The following JARID2 variants were observed in gnomAD, a reference collection of about 807,000 sequenced individuals.
JARID2 encodes the protein protein Jumonji.
A neutral mutation model predicts 125.6 loss-of-function variants in JARID2; 21 were observed. That is an observed-to-expected ratio of 0.17 (90% CI 0.12 to 0.24). The LOEUF is 0.24. Ranked by LOEUF, JARID2 falls within the 10% of genes least tolerant of loss-of-function variation. The pLI, the probability that JARID2 is intolerant of heterozygous loss-of-function variation, is 1.00. For missense variants in JARID2, 1,303 were observed against 1,639.6 expected (o/e 0.79, Z 3.55); for synonymous variants, 736 against 661.6 (o/e 1.11, Z -1.73).
intron 1 of JARID2, among the ~76,000 whole-genome samples, chr6:15,255,776 G>A (rs913340385): frequency 1.3e-5 from 2 of 152,184 alleles, no homozygotes; most frequent in Non-Finnish European, 2.9e-5. Flanking sequence ...GTTTGCAGAA[G>A]GGGGCTGAGT....
At chr6:15,305,894 T>C (rs1487095065) in intron 1 of JARID2, among the ~76,000 whole-genome samples, 7 of 152,258 alleles carry the variant, frequency 4.6e-5, no homozygotes, top group Non-Finnish European at 8.8e-5. Flanking sequence ...ATTTGTGTTA[T>C]ATGCATTATC....
chr6:15,410,234 T>A lies in JARID2; in HGVS notation c.192T>A (p.Gly64=). 1 of 1,613,990 alleles carries A rather than the reference T, an allele frequency of 6.2e-7. No individual in the cohort carries two copies. The highest frequency in any genetic ancestry group is 8.5e-7 in the Non-Finnish European group (1 of 1,179,884). The part of the protein sequence containing the change: ...GSLKTVNGLL[G]NDQSKGLGPA... Reference sequence around the variant, plus strand: ...TTTTCTCACCTGTAGGGCTCCTTGGTAATGACCAGTCTAAGGGATTAGGAC... The same window carrying A: ...TTTTCTCACCTGTAGGGCTCCTTGGAAATGACCAGTCTAAGGGATTAGGAC... Residue 64 remains glycine, a synonymous_variant, in exon 3 of 18, where the codon GGT becomes GGA. Coordinates refer to ENST00000341776, the MANE Select transcript of JARID2 (RefSeq NM_004973.4).
chr6:15,416,599 A>T (rs1370306904), intron 3 of JARID2, among the ~76,000 whole-genome samples: 1 of 151,954 alleles, frequency 6.6e-6, no homozygotes, highest in Admixed American at 6.6e-5. Context: ...GAGGCAGGAG[A>T]ATCAGGCAGG....
At chr6:15,370,082 G>C (rs34338229) in intron 1 of JARID2, among the ~76,000 whole-genome samples, 1 of 152,036 alleles carries the variant, frequency 6.6e-6, no homozygotes, top group East Asian at 1.9e-4. Context: ...ATAAATGTCA[G>C]TGGGAACAGT....
rs541608020 is a variant in JARID2, at chr6:15,320,852, C to CTCTGTGTGTG, written c.46-53264_46-53263insCTGTGTGTGT. On this transcript the variant is annotated intron_variant, in intron 1 of 17. Coordinates refer to ENST00000341776, the MANE Select transcript of JARID2 (RefSeq NM_004973.4). Reference sequence around the variant, plus strand: ...AATATGATTCATTCTCTCTCTCTCTCTGTGTGTGTGTGTGTGTGTGTGTGT... The same window carrying CTCTGTGTGTG: ...AATATGATTCATTCTCTCTCTCTCTCTCTGTGTGTGTGTGTGTGTGTGTGTGTGTGTGTGT... Among the ~76,000 whole-genome samples the CTCTGTGTGTG allele has an allele frequency of 9.0e-3, 1,314 of 145,380 alleles. 7 individuals are homozygous for CTCTGTGTGTG. Among genetic ancestry groups the CTCTGTGTGTG allele is most frequent in the Non-Finnish European group, 0.014 (923 of 66,092 alleles).
chr6:15,381,206 A>T (rs2127527409), intron 2 of JARID2, among the ~76,000 whole-genome samples: 1 of 151,490 alleles, frequency 6.6e-6, no homozygotes, highest in African/African-American at 2.4e-5. Context: ...ACAAAAAAAA[A>T]AAATTAGCCG....
chr6:15,497,933 C>G (rs1045274932), intron 7 of JARID2, among the ~76,000 whole-genome samples: 2 of 152,190 alleles, frequency 1.3e-5, no homozygotes, highest in East Asian at 3.9e-4. Flanking sequence ...TCACAGGGTC[C>G]TACCTCTATG....
chr6:15,489,775 C>T (rs913692340), intron 6 of JARID2, among the ~76,000 whole-genome samples: 40 of 152,316 alleles, frequency 2.6e-4, no homozygotes, highest in African/African-American at 8.2e-4. Flanking sequence ...TTCCGGGGCT[C>T]AGGGTAGAGT....
intron 3 of JARID2, among the ~76,000 whole-genome samples, chr6:15,425,698 A>G (rs1214182427): frequency 6.6e-6 from 1 of 152,238 alleles, no homozygotes; most frequent in Non-Finnish European, 1.5e-5. Context: ...TCAGTCTTTA[A>G]AATGGTGAGA....
Position 15,496,879 on chromosome 6 carries a change from G to A in JARID2, c.1654G>A (p.Ala552Thr), listed in dbSNP as rs1457722606. 1 of 1,601,112 alleles carries A rather than the reference G, an allele frequency of 6.2e-7. No homozygotes were observed. Among genetic ancestry groups the A allele is most frequent in the Non-Finnish European group, 8.5e-7 (1 of 1,171,632 alleles). Residue 552 changes from alanine (A) to threonine (T), a missense_variant, in exon 7 of 18, where the codon GCG (alanine) becomes ACG (threonine). This residue lies in a region of JARID2 where 651 missense variants were observed against 581.6 expected (regional missense o/e 1.12). Coordinates refer to ENST00000341776, the MANE Select transcript of JARID2 (RefSeq NM_004973.4). ...AEKGGGKAGW[A>T]AMDEIPVLRP... ...GAAGGGCGGCGGCAAGGCCGGGTGG[G>A]CGGCCATGGACGAGATCCCCGTCCT...
chr6:15,328,450 A>G (rs1762602861), intron 1 of JARID2, among the ~76,000 whole-genome samples: 1 of 152,218 alleles, frequency 6.6e-6, no homozygotes, highest in Admixed American at 6.5e-5. Flanking sequence ...AGTTACTTGA[A>G]ATGCTGAAAA....
At chr6:15,495,841 G>C (rs968220018) in intron 6 of JARID2, among the ~76,000 whole-genome samples, 1 of 152,202 alleles carries the variant, frequency 6.6e-6, no homozygotes, top group Non-Finnish European at 1.5e-5. Flanking sequence ...CAATGGGAAC[G>C]TGAAAATGCA....
chr6:15,452,315 A>C, intron 4 of JARID2, 140 bp downstream of exon 4: 2 of 1,298,062 alleles, frequency 1.5e-6, no homozygotes, highest in Non-Finnish European at 2.0e-6. Context: ...ATTGAAAGTG[A>C]GAAATCCCAC....
chr6:15,253,533 C>T (rs1759535881), intron 1 of JARID2, among the ~76,000 whole-genome samples: 1 of 152,096 alleles, frequency 6.6e-6, no homozygotes, highest in Admixed American at 6.5e-5. Context: ...AGGAAAGAGC[C>T]CACGCAGATT....
chr6:15,350,730 GTTTTTTTTT>G (rs538674872), intron 1 of JARID2, among the ~76,000 whole-genome samples: 19 of 130,416 alleles, frequency 1.5e-4, no homozygotes, highest in Admixed American at 5.5e-4. Flanking sequence ...ATAGTTTAAG[GTTTTTTTTT>G]TTTTTTTTTT....
chr6:15,307,654 T>A (rs973907809), intron 1 of JARID2, among the ~76,000 whole-genome samples: 1 of 152,220 alleles, frequency 6.6e-6, no homozygotes, highest in Non-Finnish European at 1.5e-5. Flanking sequence ...ATTTTTCTTC[T>A]CTGATGACTT....
chr6:15,444,857 G>C (rs943898925), intron 3 of JARID2, among the ~76,000 whole-genome samples: 15 of 143,984 alleles, frequency 1.0e-4, no homozygotes, highest in Non-Finnish European at 2.3e-4. Context: ...TTTAATATTG[G>C]AAAATTGAGT....
chr6:15,319,782 T>C (rs781479845), intron 1 of JARID2, among the ~76,000 whole-genome samples: 13 of 152,186 alleles, frequency 8.5e-5, no homozygotes, highest in Non-Finnish European at 1.5e-4. Flanking sequence ...CTTTATATGA[T>C]GAAAAACTAC....
chr6:15,254,955 T>C (rs369291737), intron 1 of JARID2, among the ~76,000 whole-genome samples: 15 of 151,556 alleles, frequency 9.9e-5, no homozygotes, highest in East Asian at 7.7e-4. Context: ...GGCAGGAGAA[T>C]TACTTGAGGA....
Sources: allele counts gnomAD v4.1 joint callset (sites outside exome capture counted in the v4.1 genomes callset), GRCh38; gene constraint gnomAD v4.1.1; regional missense constraint gnomAD v4.1.1; transcripts MANE v1.5; gene names NCBI Gene and HGNC (gene_info 2026-07-23, HGNC 2026-07-21).